The following FNDC1 variants were observed in gnomAD, a reference collection of about 807,000 sequenced individuals.
FNDC1 encodes fibronectin type III domain containing 1, also known as fibronectin type III domain-containing protein 1.
FNDC1 carries 96 observed loss-of-function variants against 168.0 expected under a neutral mutation model. The ratio of observed to expected loss-of-function variants is 0.57; its 90% confidence interval spans 0.48 to 0.68. The LOEUF (loss-of-function observed/expected upper bound fraction) is 0.68. Among genes scored for constraint, FNDC1 ranks in the 30% least tolerant of loss-of-function variants. The probability of loss-of-function intolerance (pLI) is 0.00; values close to 1 mark genes in which losing one functional copy is unlikely to be tolerated. For synonymous variants in FNDC1, 1,099 were observed against 1,025.9 expected (o/e 1.07, Z -1.36); for missense variants, 2,587 against 2,482.1 (o/e 1.04, Z -0.90).
intron 1 of FNDC1, among the ~76,000 whole-genome samples, chr6:159,179,437 T>G (rs294881): frequency 0.37 from 56,054 of 151,954 alleles, 11,191 homozygotes; most frequent in Non-Finnish European, 0.45. Flanking sequence ...CCAGCCTGGG[T>G]GACAGAGCAA....
rs552816388 is a variant in FNDC1, at chr6:159,187,601, G to A, written c.110-9830G>A. On this transcript the variant is annotated intron_variant, in intron 1 of 22. Transcript: ENST00000297267. The stretch of plus-strand genomic sequence containing the variant: ...GTCTACCCAACAGCAGCCTCCTCGG[G>A]GAAAATTCAATCCACCATCTGCAAA... Among the ~76,000 whole-genome samples, 7 of 152,076 alleles carry A rather than the reference G, an allele frequency of 4.6e-5. No homozygotes were observed. The South Asian group carries it at 1.5e-3, about 32-fold the overall frequency.
At chr6:159,184,068 G>A (rs1006113875) in intron 1 of FNDC1, among the ~76,000 whole-genome samples, 8 of 152,228 alleles carry the variant, frequency 5.3e-5, no homozygotes, top group Non-Finnish European at 7.3e-5. Flanking sequence ...CTAGATGTGT[G>A]CCCTTGGGCA....
chr6:159,174,103 G>A (rs1197703599), intron 1 of FNDC1, among the ~76,000 whole-genome samples: 2 of 152,170 alleles, frequency 1.3e-5, no homozygotes, highest in Non-Finnish European at 2.9e-5. Context: ...GTATTTAAAG[G>A]TATAAAAGTA....
intron 6 of FNDC1, among the ~76,000 whole-genome samples, 180 bp downstream of exon 6, chr6:159,221,876 T>C (rs1412133103): frequency 6.6e-6 from 1 of 152,146 alleles, no homozygotes. Context: ...AAGGCTAGAG[T>C]GCTCTTGTGA....
chr6:159,198,175 G>C (rs535234486), intron 2 of FNDC1, among the ~76,000 whole-genome samples: 7 of 152,328 alleles, frequency 4.6e-5, no homozygotes, highest in Admixed American at 4.6e-4. Flanking sequence ...TGCAGATGTA[G>C]TTGGTTTTGG....
At chr6:159,264,907 A>G in intron 19 of FNDC1, 68 bp from the exon 20 acceptor site, 1 of 1,355,372 alleles carries the variant, frequency 7.4e-7, no homozygotes, top group Non-Finnish European at 1.0e-6. Context: ...CAGTTACACT[A>G]ACCATTTAAA....
intron 14 of FNDC1, chr6:159,240,768 C>T (rs1783401508): frequency 6.6e-6 from 1 of 152,210 alleles, no homozygotes; most frequent in Non-Finnish European, 1.5e-5. Flanking sequence ...GCTCAGTCCC[C>T]TGCTCAAGCT....
chr6:159,181,046 G>C (rs1781867149), intron 1 of FNDC1, among the ~76,000 whole-genome samples: 1 of 152,098 alleles, frequency 6.6e-6, no homozygotes, highest in African/African-American at 2.4e-5. Flanking sequence ...AAATCTTTGA[G>C]AAATCACCAC....
intron 20 of FNDC1, 81 bp downstream of exon 20, chr6:159,265,085 A>G (rs1042267343): frequency 2.4e-6 from 3 of 1,255,928 alleles, no homozygotes; most frequent in African/African-American, 3.0e-5. Context: ...ATTACTCACA[A>G]TTAGAAAGTC....
At chr6:159,180,889 A>T (rs1248320508) in intron 1 of FNDC1, among the ~76,000 whole-genome samples, 2 of 152,110 alleles carry the variant, frequency 1.3e-5, no homozygotes, top group Non-Finnish European at 2.9e-5. Flanking sequence ...CACTGATGTG[A>T]TAGACTGGGT....
At chr6:159,238,463 G>T in intron 12 of FNDC1, 91 bp from the exon 13 acceptor site, 1 of 753,972 alleles carries the variant, frequency 1.3e-6, no homozygotes. Flanking sequence ...TTCCTTCTGT[G>T]GAAGCTTCAG....
intron 1 of FNDC1, among the ~76,000 whole-genome samples, chr6:159,195,121 C>T (rs143756090): frequency 4.5e-4 from 69 of 152,014 alleles, no homozygotes; most frequent in African/African-American, 1.5e-3. Context: ...AGGAGATTGA[C>T]GGTAAGGTTG....
chr6:159,177,070 G>T (rs554424674), intron 1 of FNDC1, among the ~76,000 whole-genome samples: 3 of 152,170 alleles, frequency 2.0e-5, no homozygotes, highest in Non-Finnish European at 4.4e-5. Flanking sequence ...TATAGTGCGG[G>T]TCTTGAACAG....
rs770167637 is a variant in FNDC1 at position 159,232,109 on chromosome 6, C to G, written c.1597C>G (p.Leu533Val). ...PQLRAKKAEELDLQSTEITGE... is the reference protein window; with the variant it reads ...PQLRAKKAEEVDLQSTEITGE... ...GCTTCGCGCCAAGAAGGCAGAGGAG[C>G]TGGATCTTCAGTCGACAGAAATCAC... The change falls in exon 11 of 23, where the codon CTG becomes GTG. Residue 533 changes from leucine (L) to valine (V), a missense_variant. Leu to Val is a conservative substitution (Grantham distance 32). Coordinates refer to ENST00000297267, the MANE Select transcript of FNDC1 (RefSeq NM_032532.3). This position sits in a 1 kb window ranked among gnomAD's most constrained non-coding sequence, Gnocchi z 4.9. The G allele has an allele frequency of 6.2e-7, 1 of 1,613,908 alleles. No homozygotes were observed. Among genetic ancestry groups the G allele is most frequent in the East Asian group, 2.2e-5 (1 of 44,872 alleles).
chr6:159,217,058 T>C (rs999538247), intron 5 of FNDC1, among the ~76,000 whole-genome samples: 6 of 152,184 alleles, frequency 3.9e-5, no homozygotes, highest in Admixed American at 3.3e-4. Flanking sequence ...GTGTGCTATG[T>C]GGGGATGCGC....
chr6:159,240,042 G>C (rs1166208787), intron 14 of FNDC1, 85 bp downstream of exon 14: 1 of 1,301,492 alleles, frequency 7.7e-7, no homozygotes, highest in Non-Finnish European at 1.0e-6. Flanking sequence ...GCCTGCAGGG[G>C]AGGTATGAGC....
chr6:159,244,220 G>A (rs1161020585), intron 14 of FNDC1, among the ~76,000 whole-genome samples: 1 of 152,220 alleles, frequency 6.6e-6, no homozygotes, highest in Non-Finnish European at 1.5e-5. Flanking sequence ...TAATCCCAAA[G>A]TTTACAGGGT....
intron 1 of FNDC1, among the ~76,000 whole-genome samples, chr6:159,195,366 G>A (rs1306934345): frequency 6.6e-6 from 1 of 151,610 alleles, no homozygotes; most frequent in Admixed American, 6.6e-5. Context: ...TGGTGGGTAG[G>A]GAGGAAGAGT....
In FNDC1 at chr6:159,209,931, C is replaced by T. The variant is rs368070717; in HGVS notation, c.461-5014C>T. ...TCTGGAGGAAGCAGTGTGTTGCTGT[C>T]CTTAGTGTGCTGGCCACATGCTTGA... On this transcript the variant is annotated intron_variant, in intron 4 of 22. Transcript: ENST00000297267. Among the ~76,000 whole-genome samples the T allele has an allele frequency of 4.8e-4, 73 of 152,258 alleles. 2 individuals carry two copies. In the South Asian group the frequency reaches 8.9e-3, roughly 19 times the overall value.
Sources: allele counts gnomAD v4.1 joint callset (sites outside exome capture counted in the v4.1 genomes callset), GRCh38; gene constraint gnomAD v4.1.1; non-coding constraint Gnocchi (gnomAD v3.1); transcripts MANE v1.5; gene names NCBI Gene and HGNC (gene_info 2026-07-23, HGNC 2026-07-21).